Variants in BICC1 observed in about 807,000 individuals in gnomAD.
The protein encoded by BICC1 is BicC family RNA binding protein 1, also known as protein bicaudal C homolog 1.
A neutral mutation model predicts 111.0 loss-of-function variants in BICC1; 43 were observed. That is an observed-to-expected ratio of 0.39 (90% confidence interval 0.30 to 0.50). The LOEUF is 0.50. Ranked by LOEUF, BICC1 falls within the 20% of genes least tolerant of loss-of-function variation. The pLI, the probability that BICC1 is intolerant of heterozygous loss-of-function variation, is 0.88. For synonymous variants in BICC1, 467 were observed against 434.4 expected, an observed-to-expected ratio of 1.07 and a Z score of -0.93; for missense variants, 1,091 against 1,203.2, an observed-to-expected ratio of 0.91 and a Z score of 1.38.
chr10:58,695,749 C>T lies in BICC1; in HGVS notation c.238-6325C>T, dbSNP rs139027775. Among the ~76,000 whole-genome samples the T allele has an allele frequency of 7.9e-5, 12 of 152,148 alleles. No individual in the cohort carries two copies. In the East Asian group the frequency reaches 1.5e-3, roughly 20 times the overall value. ...TTATCCGGTAATTGCTGCAAACCTG[C>T]GACATATATGGTTTAGTGAACATTG... On this transcript the variant is annotated intron_variant, in intron 2 of 20. Transcript: ENST00000373886.
At chr10:58,705,510 C>A (rs1840362150) in intron 3 of BICC1, among the ~76,000 whole-genome samples, 1 of 152,124 alleles carries the variant, frequency 6.6e-6, no homozygotes, top group African/African-American at 2.4e-5. Context: ...TTTGTCCATT[C>A]CCTTTCCTCC....
At chr10:58,564,804 G>T (rs1470550804) in intron 1 of BICC1, among the ~76,000 whole-genome samples, 2 of 152,092 alleles carry the variant, frequency 1.3e-5, no homozygotes, top group African/African-American at 4.8e-5. Context: ...TACAAAATGG[G>T]ACACTTTTAG....
chr10:58,793,245 G>A lies in BICC1; in HGVS notation c.1048-239G>A, dbSNP rs549029704. Among the ~76,000 whole-genome samples the A allele has an allele frequency of 7.9e-5, 12 of 152,206 alleles. No homozygotes were observed. The East Asian group carries it at 1.7e-3, about 22-fold the overall frequency. ...GGTGCACAGTGGATAAAAAAAGTCC[G>A]GGGCCAAAAACAGAAACTTAAGACA... On this transcript the variant is annotated intron_variant, in intron 8 of 20. Coordinates refer to ENST00000373886, the MANE Select transcript of BICC1 (RefSeq NM_001080512.3).
At chr10:58,637,696 T>C (rs948752509) in intron 2 of BICC1, among the ~76,000 whole-genome samples, 2 of 152,234 alleles carry the variant, frequency 1.3e-5, no homozygotes, top group African/African-American at 4.8e-5. Flanking sequence ...TATGAAAGCT[T>C]TTATAGAATA....
At chr10:58,616,824 G>A (rs528725405) in intron 1 of BICC1, among the ~76,000 whole-genome samples, 169 of 152,342 alleles carry the variant, frequency 1.1e-3, no homozygotes, top group African/African-American at 3.7e-3. Flanking sequence ...TTGCTGCAGG[G>A]CTATGTGCAT....
At chr10:58,655,122 C>T (rs1838591555) in intron 2 of BICC1, among the ~76,000 whole-genome samples, 1 of 142,218 alleles carries the variant, frequency 7.0e-6, no homozygotes, top group Non-Finnish European at 1.5e-5. Context: ...AGTGTGATGC[C>T]TCCAGCTTTA....
chr10:58,804,386 G>A (rs143836398), intron 15 of BICC1, among the ~76,000 whole-genome samples: 1 of 152,228 alleles, frequency 6.6e-6, no homozygotes, highest in East Asian at 1.9e-4. Context: ...GGGCGTGGTG[G>A]CATGCACCTG....
intron 2 of BICC1, among the ~76,000 whole-genome samples, chr10:58,670,092 C>T (rs1457991336): frequency 6.6e-6 from 1 of 152,066 alleles, no homozygotes; most frequent in Non-Finnish European, 1.5e-5. Flanking sequence ...GATAATTTTG[C>T]ATGGAATACC....
At chr10:58,687,221 CCTT>C (rs1187903721) in intron 2 of BICC1, among the ~76,000 whole-genome samples, 1 of 152,208 alleles carries the variant, frequency 6.6e-6, no homozygotes, top group Non-Finnish European at 1.5e-5. Context: ...GCTGCCTGAT[CCTT>C]CTTCTGGAAG....
intron 2 of BICC1, among the ~76,000 whole-genome samples, chr10:58,701,360 C>T (rs1840229768): frequency 6.6e-6 from 1 of 152,054 alleles, no homozygotes; most frequent in African/African-American, 2.4e-5. Flanking sequence ...CATTTTAAAT[C>T]CTGTTCTTTT....
intron 15 of BICC1, among the ~76,000 whole-genome samples, chr10:58,804,245 G>C (rs1475883119): frequency 1.3e-5 from 2 of 152,144 alleles, no homozygotes; most frequent in Non-Finnish European, 2.9e-5. Flanking sequence ...GCCGGGCACA[G>C]TGGCTCACAC....
chr10:58,592,565 G>A (rs1844656880), intron 1 of BICC1, among the ~76,000 whole-genome samples: 1 of 150,554 alleles, frequency 6.6e-6, no homozygotes, highest in Non-Finnish European at 1.5e-5. Context: ...ACAAAAATTA[G>A]ATGGGCGTGG....
chr10:58,715,486 A>G lies in BICC1; in HGVS notation c.307+13343A>G, dbSNP rs1432074898. 4.5e-6 allele frequency: 4 copies of G among 888,566 alleles called. No homozygotes were observed. In the African/African-American group the frequency reaches 6.6e-5, roughly 15 times the overall value. 55.0% of individuals were successfully genotyped at this position (888,566 alleles called of 1,614,324 possible). On this transcript the variant is annotated intron_variant, in intron 3 of 20. Coordinates refer to ENST00000373886, the MANE Select transcript of BICC1 (RefSeq NM_001080512.3). Reference sequence around the variant, plus strand: ...GGGAGGCGGCAAGAGGACCTGTGGCAGGCCCTCTTCGGCCATCTCTCTGGC... The same window carrying G: ...GGGAGGCGGCAAGAGGACCTGTGGCGGGCCCTCTTCGGCCATCTCTCTGGC...
chr10:58,749,660 A>C (rs1841931783), intron 3 of BICC1, among the ~76,000 whole-genome samples: 1 of 152,120 alleles, frequency 6.6e-6, no homozygotes, highest in Non-Finnish European at 1.5e-5. Context: ...CTGTTTCTCA[A>C]ATGCCCACTG....
chr10:58,519,765 C>T (rs1006342166), intron 1 of BICC1, among the ~76,000 whole-genome samples: 5 of 152,144 alleles, frequency 3.3e-5, no homozygotes, highest in Admixed American at 6.5e-5. Flanking sequence ...CATCTTGTTA[C>T]TCCTTTTATG....
At chr10:58,639,719 A>ATTTTTT (rs71033694) in intron 2 of BICC1, among the ~76,000 whole-genome samples, 8 of 93,158 alleles carry the variant, frequency 8.6e-5, no homozygotes, top group Non-Finnish European at 1.4e-4. Context: ...GCCCGGCCAA[A>ATTTTTT]TTTTTTTTTT....
In BICC1 at chr10:58,800,158, A is replaced by G. The variant is rs1436884513; in HGVS notation, c.1726-36A>G. The G allele has an allele frequency of 2.0e-6, 3 of 1,498,388 alleles. No homozygotes were observed. In the South Asian group the frequency reaches 3.6e-5, roughly 18 times the overall value. 92.8% of individuals were successfully genotyped at this position (1,498,388 alleles called of 1,614,324 possible). ...TGATTTGACTCTCTGTAAAATTGTG[A>G]CCATATTTATACATTATTTTCTATT... is the stretch of plus-strand genomic sequence containing the variant. On this transcript the variant is annotated intron_variant, in intron 12 of 20. Transcript: ENST00000373886.
chr10:58,551,728 A>G (rs1203421277), intron 1 of BICC1, among the ~76,000 whole-genome samples: 1 of 152,158 alleles, frequency 6.6e-6, no homozygotes, highest in Non-Finnish European at 1.5e-5. Context: ...GATTTCGCAT[A>G]TAAGTGAGAT....
rs564958295 is a variant in BICC1, at chr10:58,545,285, T to C, written c.190+31952T>C. ...AAGCACTCTAAGAAACTAGTTTCCC[T>C]AAAAATAAAGAAAAAAGGAAAAAAA... On this transcript the variant is annotated intron_variant, in intron 1 of 20. Transcript: ENST00000373886. Among the ~76,000 whole-genome samples, 12 of 152,188 alleles carry C rather than the reference T, an allele frequency of 7.9e-5. No individual in the cohort carries two copies. The South Asian group carries it at 2.3e-3, about 29-fold the overall frequency.
Sources: gnomAD v4.1 joint callset for allele counts (sites outside exome capture counted in the v4.1 genomes callset) on GRCh38, gnomAD v4.1.1 for gene constraint, MANE v1.5 for transcripts, NCBI Gene and HGNC (gene_info 2026-07-23, HGNC 2026-07-21) for gene names.